Variants in SLC60A2 observed in about 807,000 individuals in gnomAD.
SLC60A2 encodes the protein major facilitator superfamily domain containing 4B.
chr6:111,267,319 C>A, the SLC60A2 span: 16 of 526,412 alleles, frequency 3.0e-5, no homozygotes, highest in Non-Finnish European at 5.0e-5. Flanking sequence ...CATACACGTA[C>A]AATAGGATCT....
chr6:111,271,067 G>A, the SLC60A2 span: 3 of 147,456 alleles, frequency 2.0e-5, no homozygotes, highest in Admixed American at 2.1e-4. Flanking sequence ...TTATCACTGT[G>A]CCTTTAACCT....
chr6:111,271,981 C>T, the SLC60A2 span, among the ~76,000 whole-genome samples: 1 of 151,792 alleles, frequency 6.6e-6, no homozygotes, highest in Non-Finnish European at 1.5e-5. Context: ...TTTAAAATAA[C>T]CAGAACTTCT....
At chr6:111,266,079 C>G in the SLC60A2 span, 12 of 1,614,018 alleles carry the variant, frequency 7.4e-6, no homozygotes, top group South Asian at 1.1e-4. Flanking sequence ...CTCAGAAGCT[C>G]TGTTTGGAGT....
the SLC60A2 span, chr6:111,270,370 G>A: frequency 6.6e-6 from 1 of 152,106 alleles, no homozygotes. Context: ...GCAGAATAGA[G>A]ATTCTCAAAA....
At chr6:111,277,616 A>G in the SLC60A2 span, among the ~76,000 whole-genome samples, 1,121 of 152,328 alleles carry the variant, frequency 7.4e-3, 16 homozygotes, top group African/African-American at 0.025. Flanking sequence ...AAAATTTGCC[A>G]TGACAAAATT....
At chr6:111,267,018 T>C in the SLC60A2 span, 3 of 1,614,152 alleles carry the variant, frequency 1.9e-6, no homozygotes, top group Non-Finnish European at 1.7e-6. Flanking sequence ...CTATAATCAA[T>C]ACCCATCAAA....
chr6:111,270,946 C>G, the SLC60A2 span: 1 of 151,942 alleles, frequency 6.6e-6, no homozygotes, highest in Admixed American at 6.5e-5. Context: ...GAATATGCCC[C>G]ATTAGCCAGG....
chr6:111,266,275 T>C, the SLC60A2 span: 1 of 1,614,250 alleles, frequency 6.2e-7, no homozygotes, highest in Non-Finnish European at 8.5e-7. Context: ...TTTCTGTTCT[T>C]CTTTTTTTAT....
the SLC60A2 span, chr6:111,270,043 A>G: frequency 6.8e-6 from 1 of 147,278 alleles, no homozygotes; most frequent in African/African-American, 2.7e-5. Context: ...TTACCTATGT[A>G]GACTGAGGTA....
Sources: allele counts gnomAD v4.1 joint callset (sites outside exome capture counted in the v4.1 genomes callset), GRCh38; gene constraint gnomAD v4.1.1; transcripts MANE v1.5; gene names NCBI Gene and HGNC (gene_info 2026-07-23, HGNC 2026-07-21).